Variants in NME6 observed in about 807,000 individuals in gnomAD.
The protein encoded by NME6 is nucleoside diphosphate kinase 6, mitochondrial.
NME6 carries 16 observed loss-of-function variants against 22.2 expected under a neutral mutation model. That is an observed-to-expected ratio of 0.72 (90% CI 0.49 to 1.09). NME6 has a LOEUF of 1.09. NME6 is among the 50% of genes least tolerant of loss of function. The pLI, the probability that NME6 is intolerant of heterozygous loss-of-function variation, is 0.00. For missense variants in NME6, 229 were observed against 239.0 expected (o/e 0.96, Z 0.28); for synonymous variants, 58 against 85.2 (o/e 0.68, Z 1.76).
intron 4 of NME6, chr3:48,295,611 G>A (rs934342144): frequency 2.1e-5 from 5 of 239,746 alleles, no homozygotes; most frequent in East Asian, 1.0e-4. Context: ...GTTCAATCTC[G>A]GCTCACTGCA....
At chr3:48,290,466 T>C (rs1336471606), downstream of NME6, among the ~76,000 whole-genome samples, 1 of 152,192 alleles carries the variant, frequency 6.6e-6, no homozygotes, top group African/African-American at 2.4e-5. Context: ...TAGCATTTTG[T>C]AGTGAGAACA....
intron 1 of NME6, among the ~76,000 whole-genome samples, chr3:48,299,660 G>C (rs1204295572): frequency 6.6e-6 from 1 of 152,050 alleles, no homozygotes. Context: ...AACATAGGCA[G>C]GGACAGAGTC....
intron 4 of NME6, chr3:48,295,728 T>G: frequency 4.4e-6 from 1 of 229,816 alleles, no homozygotes; most frequent in Non-Finnish European, 8.4e-6. Context: ...GTTGTTGTTG[T>G]TTTTGAGACG....
intron 2 of NME6, 171 bp downstream of exon 2, chr3:48,298,256 C>T: frequency 2.5e-5 from 16 of 651,980 alleles, no homozygotes; most frequent in Non-Finnish European, 4.4e-5. Flanking sequence ...AGGTCTGCCT[C>T]AAGTCTCCAA....
chr3:48,288,387 G>GA (rs557716988), downstream of NME6, among the ~76,000 whole-genome samples: 9 of 146,684 alleles, frequency 6.1e-5, no homozygotes, highest in East Asian at 2.0e-4. Flanking sequence ...AAAAAAAAAA[G>GA]AAAAAAAAAA....
At chr3:48,298,130 G>C in intron 2 of NME6, 1 of 398,796 alleles carries the variant, frequency 2.5e-6, no homozygotes, top group Non-Finnish European at 4.7e-6. Flanking sequence ...TAACAAATAA[G>C]TGTTGTTTTA....
downstream of NME6, among the ~76,000 whole-genome samples, chr3:48,288,414 T>G (rs2034276036): frequency 1.3e-5 from 2 of 151,692 alleles, no homozygotes; most frequent in Non-Finnish European, 2.9e-5. Context: ...GATGGAAGAA[T>G]TCTAATAATG....
At chr3:48,290,948 T>C (rs1285727420), downstream of NME6, 1 of 275,034 alleles carries the variant, frequency 3.6e-6, no homozygotes, top group Non-Finnish European at 7.2e-6. Flanking sequence ...CTCTCTGTGC[T>C]AAGCAGTCAT....
intron 2 of NME6, 160 bp downstream of exon 2, chr3:48,298,267 T>C: frequency 1.5e-6 from 1 of 678,682 alleles, no homozygotes; most frequent in Non-Finnish European, 2.6e-6. Flanking sequence ...AAGTCTCCAA[T>C]GGATTCTTAG....
chr3:48,298,325 C>A, intron 2 of NME6, 102 bp downstream of exon 2: 2 of 1,023,762 alleles, frequency 2.0e-6, no homozygotes, highest in Non-Finnish European at 1.5e-6. Flanking sequence ...TCCACAGCAT[C>A]CAGCACAAGT....
At chr3:48,291,070 TAC>T (rs2034419086), downstream of NME6, 1 of 292,468 alleles carries the variant, frequency 3.4e-6, no homozygotes, top group Admixed American at 3.9e-5. Flanking sequence ...TTTCAGCCAT[TAC>T]ACAGTTACAC....
At chr3:48,300,649 T>C in intron 1 of NME6, 3 of 261,518 alleles carry the variant, frequency 1.1e-5, no homozygotes, top group East Asian at 1.1e-4. Context: ...AGGGAGGACA[T>C]GGTTCCTTTA....
At chr3:48,295,863 C>T (rs914295393) in intron 4 of NME6, 8 of 513,478 alleles carry the variant, frequency 1.6e-5, no homozygotes, top group Non-Finnish European at 2.8e-5. Flanking sequence ...TTACAGGCAC[C>T]TGCCACCATG....
chr3:48,290,902 TC>T, downstream of NME6: 1 of 244,892 alleles, frequency 4.1e-6, no homozygotes, highest in Non-Finnish European at 8.1e-6. Context: ...TCTTTTAAGG[TC>T]CCAGGTTCGT....
At chr3:48,301,081 G>A (rs2035646105) in intron 1 of NME6, among the ~76,000 whole-genome samples, 1 of 152,088 alleles carries the variant, frequency 6.6e-6, no homozygotes, top group African/African-American at 2.4e-5. Flanking sequence ...TCGGTACACT[G>A]CCACCCCAGC....
chr3:48,294,755 A>C lies in NME6; in HGVS notation c.443T>G (p.Phe148Cys). 6.2e-7 allele frequency: 1 copy of C among 1,614,134 alleles called. No homozygotes were observed. Among genetic ancestry groups the C allele is most frequent in the Non-Finnish European group, 8.5e-7 (1 of 1,180,018 alleles). ...CTCCTCATACCAGCGCTGTTCACTG[A>C]AGTCAGGGAAGAAGGCTGCAATCTC... is the stretch of plus-strand genomic sequence containing the variant. The part of the protein sequence containing the change: ...SREIAAFFPD[F>C]SEQRWYEEEE... Residue 148 changes from phenylalanine to cysteine, a missense_variant, in exon 6 of 6, where the codon TTC (phenylalanine) becomes TGC (cysteine). Phe to Cys is a radical substitution (Grantham distance 205). Coordinates refer to ENST00000442597, the MANE Select transcript of NME6 (RefSeq NM_001308426.2).
intron 1 of NME6, chr3:48,300,352 A>C: frequency 2.2e-6 from 1 of 456,710 alleles, no homozygotes; most frequent in South Asian, 1.5e-5. Flanking sequence ...CAGTTTTGAA[A>C]GAATTTCTGG....
chr3:48,295,453 C>A, intron 4 of NME6: 1 of 528,044 alleles, frequency 1.9e-6, no homozygotes. Flanking sequence ...TTCAAGGGGA[C>A]TCTTCTAACC....
At position 48,294,571 on chromosome 3, in the gene NME6, G is replaced by C. The variant is rs2034849596; in HGVS notation, c.*66C>G. 2 of 1,555,530 alleles carry C rather than the reference G, an allele frequency of 1.3e-6. No individual in the cohort carries two copies. The highest frequency in any genetic ancestry group is 2.3e-5 in the South Asian group (2 of 87,492). ...GTAAGCCAGGCTTCCCTGGTCCTAGGAGAATGTTTTAGACTAGATGTCTAG... is the reference window on the plus strand; with the variant it reads ...GTAAGCCAGGCTTCCCTGGTCCTAGCAGAATGTTTTAGACTAGATGTCTAG... On this transcript the variant is annotated 3_prime_UTR_variant, in exon 6 of 6. Transcript: ENST00000442597.
Sources: allele counts gnomAD v4.1 joint callset (sites outside exome capture counted in the v4.1 genomes callset), GRCh38; gene constraint gnomAD v4.1.1; transcripts MANE v1.5; gene names NCBI Gene and HGNC (gene_info 2026-07-23, HGNC 2026-07-21).